CFAP74: variants seen among roughly 807,000 people sequenced by gnomAD.
CFAP74 encodes cilia- and flagella-associated protein 74.
Under a neutral mutation model 188.9 loss-of-function variants are expected in CFAP74, and 124 were observed. The observed-to-expected ratio is 0.66, with a 90% CI of 0.57 to 0.76. The LOEUF is 0.76. CFAP74 is among the 30% of genes least tolerant of loss of function. The pLI, the probability that CFAP74 is intolerant of heterozygous loss-of-function variation, is 0.00. For synonymous variants in CFAP74, 956 were observed against 916.7 expected, an observed-to-expected ratio of 1.04 and a Z score of -0.77; for missense variants, 2,198 against 2,165.2, an observed-to-expected ratio of 1.02 and a Z score of -0.30.
intron 1 of CFAP74, among the ~76,000 whole-genome samples, chr1:1,991,412 C>T (rs1369369524): frequency 6.6e-6 from 1 of 152,184 alleles, no homozygotes; most frequent in Non-Finnish European, 1.5e-5. Context: ...TCACTTTACA[C>T]TCCCACCAGC....
chr1:1,939,004 T>G lies in CFAP74; in HGVS notation c.2878-16A>C, dbSNP rs1570859983. 10 of 1,534,414 alleles carry G rather than the reference T, an allele frequency of 6.5e-6. No homozygotes were observed. Among genetic ancestry groups the G allele is most frequent in the Non-Finnish European group, 8.7e-6 (10 of 1,145,712 alleles). ...CGTCCACAAACTGGAAATAGAAGAG[T>G]GCTCTGAGGGCATGTCACGGGGAGA... On this transcript the variant is annotated splice_polypyrimidine_tract_variant and intron_variant, in intron 24 of 38. Transcript: ENST00000682832.
At position 1,927,742 on chromosome 1, in the gene CFAP74, C is replaced by T. The variant is rs767610376; in HGVS notation, c.3392G>A (p.Arg1131Gln). The T allele has an allele frequency of 1.4e-5, 22 of 1,549,782 alleles. 1 individual carries two copies. Among genetic ancestry groups the T allele is most frequent in the Middle Eastern group, 3.3e-4 (2 of 5,980 alleles). Residue 1131 changes from arginine to glutamine, a missense_variant, in exon 28 of 39, where the codon CGA becomes CAA. Arg to Gln is a conservative substitution (Grantham distance 43). Transcript: ENST00000682832. ...CTTCCTCTGGGGGGCCATATTCTTTCGGAACTGTGGGGGGAGCGACTGGCT... is the reference window on the plus strand; with the variant it reads ...CTTCCTCTGGGGGGCCATATTCTTTTGGAACTGTGGGGGGAGCGACTGGCT... ...LNKEMETKSF[R>Q]KNMAPQRKDL...
At chr1:1,979,016 C>A (rs1395965478) in intron 6 of CFAP74, among the ~76,000 whole-genome samples, 1 of 110,638 alleles carries the variant, frequency 9.0e-6, no homozygotes, top group African/African-American at 3.4e-5. Flanking sequence ...ACACGTGTGT[C>A]GTGCTGAGCT....
At chr1:1,946,026 G>C (rs896365937) in intron 20 of CFAP74, among the ~76,000 whole-genome samples, 15 of 148,224 alleles carry the variant, frequency 1.0e-4, no homozygotes, top group African/African-American at 3.5e-4. Flanking sequence ...GTGTGCGTGT[G>C]TACGTGTGTG....
rs1432889885 is a variant in CFAP74, at chr1:1,927,711, C to A, written c.3423G>T (p.Leu1141=). The stretch of plus-strand genomic sequence containing the variant: ...GAAGAACGGAGAATGACAGTCCATG[C>A]AGGTCCTTCCTCTGGGGGGCCATAT... ...RKNMAPQRKD[L]HGLSFSVLRA... is the part of the protein sequence containing the mutation. The change falls in exon 28 of 39, where the codon CTG becomes CTT. Residue 1141 remains leucine (L), a synonymous_variant. Transcript: ENST00000682832. 4 of 1,550,064 alleles carry A rather than the reference C, an allele frequency of 2.6e-6. No individual in the cohort carries two copies. The highest frequency in any genetic ancestry group is 3.5e-6 in the Non-Finnish European group (4 of 1,146,832).
intron 18 of CFAP74, among the ~76,000 whole-genome samples, chr1:1,951,612 C>T (rs1349428870): frequency 6.6e-6 from 1 of 152,164 alleles, no homozygotes; most frequent in East Asian, 1.9e-4. Flanking sequence ...TTGTTTTGGT[C>T]ACTCTAGGTC....
intron 3 of CFAP74, 50 bp from the exon 4 acceptor site, chr1:1,988,705 A>G: frequency 1.3e-6 from 2 of 1,596,112 alleles, no homozygotes; most frequent in Non-Finnish European, 1.7e-6. Context: ...GCAGGCTCAG[A>G]ACTCATTCCT....
intron 16 of CFAP74, among the ~76,000 whole-genome samples, chr1:1,957,234 A>G (rs1048532426): frequency 1.3e-5 from 2 of 152,162 alleles, no homozygotes; most frequent in African/African-American, 4.8e-5. Context: ...CAGGCCACAG[A>G]AGCTCTGGTG....
intron 33 of CFAP74, among the ~76,000 whole-genome samples, 184 bp downstream of exon 33, chr1:1,925,599 C>T (rs955787029): frequency 1.1e-4 from 16 of 152,252 alleles, no homozygotes; most frequent in Admixed American, 8.5e-4. Context: ...GAAACAGGCC[C>T]CGGGTTCCCT....
intron 18 of CFAP74, chr1:1,954,690 G>A: frequency 4.2e-6 from 2 of 471,814 alleles, no homozygotes; most frequent in South Asian, 1.2e-4. Context: ...AGCTGAGGCA[G>A]GAGGATTGCT....
rs1460863448 is a variant in CFAP74 at position 1,947,057 on chromosome 1, G to A, written c.2177-3C>T. On this transcript the variant is annotated splice_region_variant and splice_polypyrimidine_tract_variant and intron_variant, in intron 18 of 38. Transcript: ENST00000682832. ...CACTGTGGTTAATCTCTCTGGTTCT[G>A]GAAGAGAAGGGGGATCCAGAGGTGA... 6.5e-7 allele frequency: 1 copy of A among 1,534,882 alleles called. No individual in the cohort carries two copies. The highest frequency in any genetic ancestry group is 1.2e-5 in the South Asian group (1 of 84,028).
At chr1:1,941,091 CGACAGAGCGA>C (rs1653340152) in intron 22 of CFAP74, among the ~76,000 whole-genome samples, 1 of 151,572 alleles carries the variant, frequency 6.6e-6, no homozygotes, top group Non-Finnish European at 1.5e-5. Context: ...CCAGCCTGGG[CGACAGAGCGA>C]GACTCTGTCT....
intron 18 of CFAP74, among the ~76,000 whole-genome samples, chr1:1,953,127 A>G (rs970453994): frequency 6.6e-5 from 10 of 152,154 alleles, no homozygotes; most frequent in Non-Finnish European, 8.8e-5. Flanking sequence ...AATATTGTGG[A>G]AAAAAAAGAA....
rs374139218 is a variant in CFAP74 at position 1,941,621 on chromosome 1, C to T, written c.2615+407G>A. On this transcript the variant is annotated intron_variant, in intron 22 of 38. Coordinates refer to ENST00000682832, the MANE Select transcript of CFAP74 (RefSeq NM_001304360.2). Reference sequence around the variant, plus strand: ...AAAGGGATGAAGACAGGGAAGACAGCGGGGGAGTGCACGGACCGCAGGGTA... The same window carrying T: ...AAAGGGATGAAGACAGGGAAGACAGTGGGGGAGTGCACGGACCGCAGGGTA... 2.2e-4 allele frequency among the ~76,000 whole-genome samples: 34 copies of T among 152,196 alleles called. No individual in the cohort carries two copies. In the East Asian group the frequency reaches 3.3e-3, roughly 15 times the overall value.
At chr1:1,931,159 G>T (rs1324505568) in intron 25 of CFAP74, among the ~76,000 whole-genome samples, 2 of 152,188 alleles carry the variant, frequency 1.3e-5, no homozygotes, top group Non-Finnish European at 2.9e-5. Context: ...GGCTGGCATG[G>T]TGGCTCACAC....
At chr1:1,965,573 G>A (rs1030497570) in intron 12 of CFAP74, among the ~76,000 whole-genome samples, 2 of 152,136 alleles carry the variant, frequency 1.3e-5, no homozygotes, top group Non-Finnish European at 2.9e-5. Flanking sequence ...TGGACTCTGC[G>A]TGGGTCCTGG....
Position 1,940,841 on chromosome 1 carries a change from G to A in CFAP74, c.2616-438C>T, listed in dbSNP as rs897632760. On this transcript the variant is annotated intron_variant, in intron 22 of 38. Coordinates refer to ENST00000682832, the MANE Select transcript of CFAP74 (RefSeq NM_001304360.2). The stretch of plus-strand genomic sequence containing the variant: ...AACTATCAGGAAAAGGGCCGGGCAC[G>A]GTGGCTCACGCCTGTAATCCCAGCA... 3.3e-4 allele frequency among the ~76,000 whole-genome samples: 50 copies of A among 152,204 alleles called. 1 individual carries two copies. The highest frequency in any genetic ancestry group is 1.9e-4 in the East Asian group (1 of 5,190).
At chr1:1,992,779 A>C (rs920477675) in intron 1 of CFAP74, among the ~76,000 whole-genome samples, 3 of 151,976 alleles carry the variant, frequency 2.0e-5, no homozygotes, top group Non-Finnish European at 4.4e-5. Flanking sequence ...TGGCCCAAAA[A>C]CAATTCTTAA....
At chr1:1,932,086 A>T (rs968753141) in intron 25 of CFAP74, among the ~76,000 whole-genome samples, 1 of 45,690 alleles carries the variant, frequency 2.2e-5, no homozygotes, top group African/African-American at 7.0e-5. Context: ...AAAACAAAAA[A>T]CAAAAAACAA....
Sources: gnomAD v4.1 joint callset for allele counts (sites outside exome capture counted in the v4.1 genomes callset) on GRCh38, gnomAD v4.1.1 for gene constraint, MANE v1.5 for transcripts, NCBI Gene and HGNC (gene_info 2026-07-23, HGNC 2026-07-21) for gene names.